HSPA9: variants seen among roughly 807,000 people sequenced by gnomAD.
The protein encoded by HSPA9 is heat shock protein family A (Hsp70) member 9.
HSPA9 carries 28 observed loss-of-function variants against 81.5 expected under a neutral mutation model. The ratio of observed to expected loss-of-function variants is 0.34; its 90% confidence interval spans 0.25 to 0.47. HSPA9 has a LOEUF of 0.47. Among genes scored for constraint, HSPA9 ranks in the 20% least tolerant of loss-of-function variants. The probability of loss-of-function intolerance (pLI) is 1.00; values close to 1 mark genes in which losing one functional copy is unlikely to be tolerated. For missense variants in HSPA9, 678 were observed against 838.0 expected (o/e 0.81, Z 2.36); for synonymous variants, 293 against 290.4 (o/e 1.01, Z -0.09).
rs1750505581 is a variant in HSPA9, at chr5:138,555,706, G to T, written c.*331C>A. The T allele has an allele frequency of 5.4e-6, 2 of 369,074 alleles. No homozygotes were observed. The highest frequency in any genetic ancestry group is 4.2e-5 in the African/African-American group (2 of 47,520). 22.9% of individuals were successfully genotyped at this position (369,074 alleles called of 1,614,324 possible). A position where few individuals can be genotyped will look rare whatever the true frequency, so the allele number is the denominator to read the frequency against. On this transcript the variant is annotated 3_prime_UTR_variant, in exon 17 of 17. Transcript: ENST00000297185. ...TATGGATGACTACCTTCATTGCTGTGTGCGAGATGGTTTCACCCCTTGAAA... is the reference window on the plus strand; with the variant it reads ...TATGGATGACTACCTTCATTGCTGTTTGCGAGATGGTTTCACCCCTTGAAA...
intron 9 of HSPA9, among the ~76,000 whole-genome samples, chr5:138,562,287 C>T (rs1272756740): frequency 3.3e-5 from 5 of 150,130 alleles, no homozygotes; most frequent in African/African-American, 9.7e-5. Flanking sequence ...CAGTGGCTCA[C>T]GCCTGTAATC....
rs10694029 is a variant in HSPA9, at chr5:138,571,960, CT to C, written c.229-820del. The stretch of plus-strand genomic sequence containing the variant: ...TACAGGCTTGAGGCACTGCGCCTGG[CT>C]TTTTTTTTTTTTTTTGAGACAGAGT... On this transcript the variant is annotated intron_variant, in intron 3 of 16. Coordinates refer to ENST00000297185, the MANE Select transcript of HSPA9 (RefSeq NM_004134.7). 4.8e-3 allele frequency among the ~76,000 whole-genome samples: 487 copies of C among 100,442 alleles called. 17 individuals carry two copies. The highest frequency in any genetic ancestry group is 0.018 in the African/African-American group (433 of 23,674). 65.9% of individuals were successfully genotyped at this position (100,442 alleles called of 152,430 possible).
intron 10 of HSPA9, among the ~76,000 whole-genome samples, chr5:138,560,609 G>A (rs531980600): frequency 6.7e-6 from 1 of 148,956 alleles, no homozygotes; most frequent in Admixed American, 6.7e-5. Context: ...CGCTCAGGCT[G>A]GAGTGCGGTG....
Position 138,575,338 on chromosome 5 carries a change from A to G in HSPA9, c.-20T>C. On this transcript the variant is annotated 5_prime_UTR_variant, in exon 1 of 17. Coordinates refer to ENST00000297185, the MANE Select transcript of HSPA9 (RefSeq NM_004134.7). ...TATCATGGCGGATAAATGGAGGAGTACGAGGCAGCAAACAAGCGCTCCGAC... is the reference window on the plus strand; with the variant it reads ...TATCATGGCGGATAAATGGAGGAGTGCGAGGCAGCAAACAAGCGCTCCGAC... 6.2e-7 allele frequency: 1 copy of G among 1,601,290 alleles called. No individual in the cohort carries two copies. The highest frequency in any genetic ancestry group is 8.5e-7 in the Non-Finnish European group (1 of 1,170,526).
At chr5:138,565,267 A>G (rs1046030571) in intron 9 of HSPA9, among the ~76,000 whole-genome samples, 5 of 152,076 alleles carry the variant, frequency 3.3e-5, no homozygotes, top group Non-Finnish European at 7.4e-5. Context: ...TTCAACCTCA[A>G]CCCTAACCAA....
rs753673172 is a variant in HSPA9, at chr5:138,566,741, A to G, written c.880-23T>C. On this transcript the variant is annotated intron_variant, in intron 8 of 16. Transcript: ENST00000297185. ...TGTCTATAAAGTGAAGACATTGAAC[A>G]CCAAACACCAGCATTAGTGAGGTGA... is the stretch of plus-strand genomic sequence containing the variant. 3 of 1,544,466 alleles carry G rather than the reference A, an allele frequency of 1.9e-6. No individual in the cohort carries two copies. In the South Asian group the frequency reaches 3.3e-5, roughly 17 times the overall value.
intron 14 of HSPA9, 105 bp from the exon 15 acceptor site, chr5:138,556,971 A>T: frequency 1.2e-6 from 1 of 829,168 alleles, no homozygotes. Flanking sequence ...TTACAGATAA[A>T]AATAGAGTAA....
At chr5:138,558,851 G>A (rs1750590686) in intron 11 of HSPA9, 194 bp from the exon 12 acceptor site, 1 of 561,706 alleles carries the variant, frequency 1.8e-6, no homozygotes, top group Admixed American at 2.9e-5. Context: ...AATAGCAACT[G>A]TTTCAGCTAA....
Position 138,564,686 on chromosome 5 carries a change from G to T in HSPA9, c.972+1940C>A, listed in dbSNP as rs189697242. Among the ~76,000 whole-genome samples, 8 of 152,282 alleles carry T rather than the reference G, an allele frequency of 5.3e-5. No homozygotes were observed. The East Asian group carries it at 1.2e-3, about 22-fold the overall frequency. Reference sequence around the variant, plus strand: ...CCAAAGTGAGGCCCCTTCTTAAATTGTAACTGCATTTTTACCACTTGTTAC... The same window carrying T: ...CCAAAGTGAGGCCCCTTCTTAAATTTTAACTGCATTTTTACCACTTGTTAC... On this transcript the variant is annotated intron_variant, in intron 9 of 16. Coordinates refer to ENST00000297185, the MANE Select transcript of HSPA9 (RefSeq NM_004134.7).
intron 5 of HSPA9, 141 bp from the exon 6 acceptor site, chr5:138,567,863 AACACTCCAAGTAAAT>A: frequency 1.4e-6 from 1 of 718,104 alleles, no homozygotes; most frequent in Non-Finnish European, 2.5e-6. Context: ...CCTTGCAGGA[AACACTCCAAGTAAAT>A]ACACTGGTTA....
chr5:138,569,674 A>C (rs566057297), intron 4 of HSPA9, among the ~76,000 whole-genome samples: 4 of 152,322 alleles, frequency 2.6e-5, no homozygotes, highest in African/African-American at 9.6e-5. Context: ...TTCATATTCT[A>C]CTCAAGCTCA....
chr5:138,558,184 TTAGCTA>T (rs1750573409), intron 12 of HSPA9, among the ~76,000 whole-genome samples, 198 bp from the exon 13 acceptor site: 1 of 152,210 alleles, frequency 6.6e-6, no homozygotes, highest in Non-Finnish European at 1.5e-5. Flanking sequence ...CCAGTGAAGT[TTAGCTA>T]TAGCAAGTAA....
intron 9 of HSPA9, among the ~76,000 whole-genome samples, chr5:138,565,255 A>G (rs1158614875): frequency 8.5e-5 from 13 of 152,196 alleles, no homozygotes; most frequent in African/African-American, 2.4e-4. Context: ...AGTGCCAGGT[A>G]TTTCAACCTC....
chr5:138,571,164 AGAGT>A, intron 3 of HSPA9, 23 bp from the exon 4 acceptor site: 1 of 1,611,428 alleles, frequency 6.2e-7, no homozygotes, highest in African/African-American at 1.3e-5. Context: ...AATGTGATAG[AGAGT>A]AAGTTTGTAG....
At position 138,561,803 on chromosome 5, in the gene HSPA9, G is replaced by A. The variant is rs779831930; in HGVS notation, c.973-14C>T. 2 of 1,587,446 alleles carry A rather than the reference G, an allele frequency of 1.3e-6. No homozygotes were observed. On this transcript the variant is annotated splice_polypyrimidine_tract_variant and intron_variant, in intron 9 of 16. Transcript: ENST00000297185. ...ATTGATGTCAGTCTGCAAAGGAAAT[G>A]TTTAATTGCATGTCAGCGAGCAGGC... is the stretch of plus-strand genomic sequence containing the variant.
Position 138,566,659 on chromosome 5 carries a change from T to C in HSPA9, c.939A>G (p.Glu313=), listed in dbSNP as rs775804664. ...ATGAGGAGAGTTCACATTTAGCCTTTTCAGCAGCTTCCCGTACCCTCTGAA... is the reference window on the plus strand; with the variant it reads ...ATGAGGAGAGTTCACATTTAGCCTTCTCAGCAGCTTCCCGTACCCTCTGAA... ...MALQRVREAA[E]KAKCELSSSV... is the part of the protein sequence containing the mutation. The change falls in exon 9 of 17, where the codon GAA becomes GAG. Residue 313 remains glutamate (E), a synonymous_variant. Coordinates refer to ENST00000297185, the MANE Select transcript of HSPA9 (RefSeq NM_004134.7). 84 of 1,613,990 alleles carry C rather than the reference T, an allele frequency of 5.2e-5. No individual in the cohort carries two copies. Among genetic ancestry groups the C allele is most frequent in the Middle Eastern group, 1.6e-4 (1 of 6,084 alleles).
rs747575731 is a variant in HSPA9 at position 138,554,343 on chromosome 5, TTAG to T, written c.*1691_*1693del. 2.6e-5 allele frequency among the ~76,000 whole-genome samples: 4 copies of T among 152,188 alleles called. No individual in the cohort carries two copies. Among genetic ancestry groups the T allele is most frequent in the Non-Finnish European group, 5.9e-5 (4 of 68,030 alleles). ...TCCTGGAGGGCTTTTAAAGTTATCT[TTAG>T]GAGACAGTAGAGGCAGTGGGCAAGG... is the stretch of plus-strand genomic sequence containing the variant. On this transcript the variant is annotated 3_prime_UTR_variant, in exon 17 of 17. Coordinates refer to ENST00000297185, the MANE Select transcript of HSPA9 (RefSeq NM_004134.7).
In HSPA9 at chr5:138,558,642, C is replaced by T. The variant is rs145860531; in HGVS notation, c.1426G>A (p.Ala476Thr). ...ATTTCCACTTGCGTTTGACCATCAG[C>T]GGCAGTAGAGAATACCTAGGGAAGA... ...TKKSQVFSTAADGQTQVEIKV... is the reference protein window; with the variant it reads ...TKKSQVFSTATDGQTQVEIKV... The change falls in exon 12 of 17, where the codon GCT becomes ACT. Residue 476 changes from alanine to threonine, a missense_variant. By Grantham distance (58) the Ala-to-Thr change is moderately conservative. Coordinates refer to ENST00000297185, the MANE Select transcript of HSPA9 (RefSeq NM_004134.7). The T allele has an allele frequency of 3.6e-4, 580 of 1,611,866 alleles. No individual in the cohort carries two copies. The highest frequency in any genetic ancestry group is 4.6e-4 in the Non-Finnish European group (547 of 1,178,192).
intron 5 of HSPA9, 148 bp downstream of exon 5, chr5:138,568,777 T>C: frequency 1.3e-6 from 1 of 788,560 alleles, no homozygotes; most frequent in Non-Finnish European, 2.2e-6. Flanking sequence ...AGGGAAAGCA[T>C]GAAGTATAAC....
Sources: allele counts gnomAD v4.1 joint callset (sites outside exome capture counted in the v4.1 genomes callset), GRCh38; gene constraint gnomAD v4.1.1; transcripts MANE v1.5; gene names NCBI Gene and HGNC (gene_info 2026-07-23, HGNC 2026-07-21).